PXDN: variants seen among roughly 807,000 people sequenced by gnomAD.
PXDN encodes the protein peroxidasin.
PXDN carries 77 observed loss-of-function variants against 140.3 expected under a neutral mutation model. The ratio of observed to expected loss-of-function variants is 0.55; its 90% CI spans 0.46 to 0.66. PXDN has a LOEUF of 0.66. PXDN is among the 30% of genes least tolerant of loss of function. The pLI, the probability that PXDN is intolerant of heterozygous loss-of-function variation, is 0.00. For missense variants in PXDN, 1,838 were observed against 2,039.5 expected, an observed-to-expected ratio of 0.90 and a Z score of 1.90; for synonymous variants, 911 against 857.4, an observed-to-expected ratio of 1.06 and a Z score of -1.09.
intron 14 of PXDN, among the ~76,000 whole-genome samples, chr2:1,657,643 C>G (rs903187601): frequency 6.6e-6 from 1 of 151,646 alleles, no homozygotes; most frequent in Admixed American, 6.6e-5. Context: ...GAACTACCCT[C>G]TCTTGACAGC....
At chr2:1,738,965 G>C (rs10181264) in intron 1 of PXDN, among the ~76,000 whole-genome samples, 110,990 of 152,090 alleles carry the variant, frequency 0.73, 40,739 homozygotes, top group East Asian at 0.95. Flanking sequence ...CACGGAGGCT[G>C]CTGCCCGGAC....
chr2:1,684,447 C>T (rs1044153910), intron 4 of PXDN, among the ~76,000 whole-genome samples: 5 of 152,164 alleles, frequency 3.3e-5, no homozygotes, highest in Admixed American at 2.0e-4. Flanking sequence ...TGGCCTGACT[C>T]GGCCATTTTC....
intron 17 of PXDN, among the ~76,000 whole-genome samples, chr2:1,645,597 C>T (rs919964525): frequency 1.3e-5 from 2 of 152,178 alleles, no homozygotes; most frequent in East Asian, 3.9e-4. Context: ...TTGGTCTTAC[C>T]GTAGAATAAA....
chr2:1,732,313 CAGGGGCCTG>C, intron 1 of PXDN, among the ~76,000 whole-genome samples: 1 of 152,284 alleles, frequency 6.6e-6, no homozygotes, highest in African/African-American at 2.4e-5. Context: ...AGAAAAGGCC[CAGGGGCCTG>C]CAGAGCGTCC....
intron 1 of PXDN, among the ~76,000 whole-genome samples, chr2:1,700,371 AT>A (rs1279562060): frequency 1.7e-3 from 255 of 150,292 alleles, no homozygotes; most frequent in African/African-American, 5.6e-3. Context: ...CATTGTCTGG[AT>A]TTTTTTTTTC....
intron 1 of PXDN, among the ~76,000 whole-genome samples, chr2:1,743,383 A>AC (rs1206378550): frequency 6.6e-6 from 1 of 152,146 alleles, no homozygotes; most frequent in African/African-American, 2.4e-5. Flanking sequence ...CTGCCCCGAG[A>AC]CTACCGCGCG....
At chr2:1,707,488 A>G (rs560897024) in intron 1 of PXDN, among the ~76,000 whole-genome samples, 3 of 152,382 alleles carry the variant, frequency 2.0e-5, no homozygotes, top group East Asian at 3.9e-4. Flanking sequence ...AAACTGTCAA[A>G]TCGAAGTAAT....
At chr2:1,718,124 C>T (rs1358402726) in intron 1 of PXDN, among the ~76,000 whole-genome samples, 1 of 151,626 alleles carries the variant, frequency 6.6e-6, no homozygotes. Context: ...TACCCAACCA[C>T]TCTACTAACC....
rs1572158534 is a variant in PXDN, at chr2:1,685,453, G to A, written c.417-1302C>T. On this transcript the variant is annotated intron_variant, in intron 4 of 22. Transcript: ENST00000252804. The surrounding 1 kb of genome is among the most constrained non-coding windows in gnomAD (Gnocchi z 5.1). ...CTGACAGGGCGCCTGTGGTTTTCTG[G>A]GGTCCTTGGCCTTTCACAGCCCATG... Among the ~76,000 whole-genome samples the A allele has an allele frequency of 1.3e-5, 2 of 152,104 alleles. No homozygotes were observed. The highest frequency in any genetic ancestry group is 1.3e-4 in the Admixed American group (2 of 15,276).
At chr2:1,736,680 TA>T (rs76334078) in intron 1 of PXDN, among the ~76,000 whole-genome samples, 39,468 of 148,056 alleles carry the variant, frequency 0.27, 5,467 homozygotes, top group East Asian at 0.58. Flanking sequence ...AAAAGAAATT[TA>T]AAAAAAAAAA....
chr2:1,712,645 G>A (rs1010441136), intron 1 of PXDN, among the ~76,000 whole-genome samples: 10 of 152,256 alleles, frequency 6.6e-5, no homozygotes, highest in African/African-American at 2.4e-4. Flanking sequence ...CGGCCTTGTG[G>A]TGGAAAAGCG....
intron 1 of PXDN, among the ~76,000 whole-genome samples, chr2:1,737,105 G>A (rs752402711): frequency 8.7e-4 from 132 of 152,282 alleles, no homozygotes; most frequent in Non-Finnish European, 1.5e-3. Context: ...ATCTGGACAG[G>A]AGCAGGGCAT....
chr2:1,686,495 C>T (rs982210213), intron 4 of PXDN, among the ~76,000 whole-genome samples: 3 of 152,116 alleles, frequency 2.0e-5, no homozygotes, highest in African/African-American at 4.8e-5. Flanking sequence ...GAGGATTTTC[C>T]GATCCACTCA....
intron 1 of PXDN, among the ~76,000 whole-genome samples, chr2:1,720,135 G>C (rs553786715): frequency 3.5e-4 from 25 of 70,882 alleles, no homozygotes; most frequent in African/African-American, 1.6e-3. Context: ...GAGAGGGAGG[G>C]AAGAATGCAG....
chr2:1,708,635 G>A (rs958247430), intron 1 of PXDN, among the ~76,000 whole-genome samples: 1 of 152,134 alleles, frequency 6.6e-6, no homozygotes, highest in Non-Finnish European at 1.5e-5. Flanking sequence ...GACTCGCCCC[G>A]CAAGGAAGAA....
At chr2:1,706,361 C>G (rs966250291) in intron 1 of PXDN, among the ~76,000 whole-genome samples, 1 of 152,192 alleles carries the variant, frequency 6.6e-6, no homozygotes, top group East Asian at 1.9e-4. Context: ...ACAAATCGGA[C>G]ACGGTCTCAC....
intron 1 of PXDN, among the ~76,000 whole-genome samples, chr2:1,701,075 C>T (rs1370022905): frequency 6.6e-6 from 1 of 152,222 alleles, no homozygotes; most frequent in Non-Finnish European, 1.5e-5. Context: ...TCTCCCCGTC[C>T]CAGTCTTGCT....
In PXDN at chr2:1,643,530, G is replaced by C. The variant is rs1244396063; in HGVS notation, c.3790C>G (p.Gln1264Glu). The change falls in exon 19 of 23, where the codon CAG becomes GAG. Residue 1264 changes from glutamine (Q) to glutamate (E), a missense_variant. Physicochemically the swap from Gln to Glu is conservative, Grantham distance 29. This residue lies in a region of PXDN where 850 missense variants were observed against 894.1 expected (regional missense o/e 0.95). Coordinates refer to ENST00000252804, the MANE Select transcript of PXDN (RefSeq NM_012293.3). ...CTGGCCAGCGACGTCTGCTTGATCT[G>C]AGTCAGCTGGGCCGGGGAGAACACC... ...PGVFSPAQLT[Q>E]IKQTSLARIL... 1 of 1,613,956 alleles carries C rather than the reference G, an allele frequency of 6.2e-7. No homozygotes were observed.
intron 3 of PXDN, among the ~76,000 whole-genome samples, chr2:1,691,627 C>T (rs1259025574): frequency 6.6e-6 from 1 of 152,180 alleles, no homozygotes; most frequent in Non-Finnish European, 1.5e-5. Flanking sequence ...CATCACTTTC[C>T]CCTCTGGAAG....
Sources: allele counts gnomAD v4.1 joint callset (sites outside exome capture counted in the v4.1 genomes callset), GRCh38; gene constraint gnomAD v4.1.1; regional missense constraint gnomAD v4.1.1; non-coding constraint Gnocchi (gnomAD v3.1); transcripts MANE v1.5; gene names NCBI Gene and HGNC (gene_info 2026-07-23, HGNC 2026-07-21).